NAV2: variants seen among roughly 807,000 people sequenced by gnomAD.
The protein encoded by NAV2 is helicase, APC down-regulated 1.
Under a neutral mutation model 223.2 loss-of-function variants are expected in NAV2, and 54 were observed. That is an observed-to-expected ratio of 0.24 (90% CI 0.19 to 0.30). NAV2 has a LOEUF of 0.30. NAV2 is among the 10% of genes least tolerant of loss of function. NAV2 has a pLI of 1.00. For synonymous variants in NAV2, 1,279 were observed against 1,239.3 expected (o/e 1.03, Z -0.67); for missense variants, 2,806 against 3,147.5 (o/e 0.89, Z 2.60).
At chr11:19,441,275 C>T (rs889017059) in intron 1 of NAV2, among the ~76,000 whole-genome samples, 1 of 152,114 alleles carries the variant, frequency 6.6e-6, no homozygotes, top group African/African-American at 2.4e-5. Flanking sequence ...AGGAGATTCC[C>T]CTACAAGGTC....
intron 1 of NAV2, among the ~76,000 whole-genome samples, chr11:19,501,357 G>A (rs1180268520): frequency 6.6e-6 from 1 of 151,992 alleles, no homozygotes; most frequent in Non-Finnish European, 1.5e-5. Context: ...CTATATACAT[G>A]GAGTCATCTA....
intron 1 of NAV2, among the ~76,000 whole-genome samples, chr11:19,533,588 T>C (rs927131363): frequency 1.3e-5 from 2 of 152,188 alleles, no homozygotes; most frequent in African/African-American, 4.8e-5. Context: ...GTCTTTTCAG[T>C]CATTGTCCTC....
intron 1 of NAV2, among the ~76,000 whole-genome samples, chr11:19,773,396 C>G (rs1217732884): frequency 6.6e-6 from 1 of 152,166 alleles, no homozygotes; most frequent in African/African-American, 2.4e-5. Flanking sequence ...TCGTGGCTAC[C>G]ATGAGAGTTC....
At chr11:19,381,099 C>G (rs1213767758) in intron 1 of NAV2, among the ~76,000 whole-genome samples, 1 of 152,184 alleles carries the variant, frequency 6.6e-6, no homozygotes, top group African/African-American at 2.4e-5. Context: ...CTATCCTTGC[C>G]TAACTGATTC....
chr11:19,725,331 C>T (rs1036992155), intron 1 of NAV2, among the ~76,000 whole-genome samples: 5 of 152,166 alleles, frequency 3.3e-5, no homozygotes, highest in African/African-American at 4.8e-5. Context: ...TCAGTGCTGC[C>T]GCCCACTAAA....
At chr11:19,860,224 A>C (rs1590929263) in intron 3 of NAV2, among the ~76,000 whole-genome samples, 1 of 144,676 alleles carries the variant, frequency 6.9e-6, no homozygotes, top group African/African-American at 2.6e-5. Flanking sequence ...GACGCTCCTC[A>C]CTTCCCAGAC....
chr11:19,810,249 T>C (rs2058775087), intron 1 of NAV2, among the ~76,000 whole-genome samples: 1 of 152,256 alleles, frequency 6.6e-6, no homozygotes, highest in Admixed American at 6.5e-5. Flanking sequence ...AGTTGGCTCC[T>C]GTGTCACTTT....
At chr11:19,772,207 C>G (rs2055772270) in intron 1 of NAV2, among the ~76,000 whole-genome samples, 1 of 152,176 alleles carries the variant, frequency 6.6e-6, no homozygotes, top group Non-Finnish European at 1.5e-5. Context: ...AGTCTTTAAG[C>G]TACTTGCAAA....
intron 1 of NAV2, among the ~76,000 whole-genome samples, chr11:19,621,670 C>A (rs529128333): frequency 5.3e-5 from 8 of 151,950 alleles, no homozygotes; most frequent in African/African-American, 1.9e-4. Context: ...GTCTTGCTAG[C>A]GGTCTATCAA....
At chr11:20,083,998 A>G (rs527918510) in intron 26 of NAV2, among the ~76,000 whole-genome samples, 2 of 152,346 alleles carry the variant, frequency 1.3e-5, no homozygotes, top group East Asian at 3.9e-4. Context: ...TACAGGCAAA[A>G]TCAGCCTGTC....
chr11:19,761,315 A>G (rs7119267), intron 1 of NAV2, among the ~76,000 whole-genome samples: 64,190 of 152,126 alleles, frequency 0.42, 15,126 homozygotes, highest in African/African-American at 0.64. Flanking sequence ...TTACATTCTT[A>G]TGGAGAGATG....
intron 1 of NAV2, among the ~76,000 whole-genome samples, chr11:19,443,780 A>C (rs1851486669): frequency 6.6e-6 from 1 of 152,204 alleles, no homozygotes; most frequent in South Asian, 2.1e-4. Flanking sequence ...CTAAAATGTC[A>C]GTTTTCTTCT....
intron 11 of NAV2, among the ~76,000 whole-genome samples, chr11:20,006,811 C>G (rs954932080): frequency 6.6e-6 from 1 of 152,044 alleles, no homozygotes; most frequent in South Asian, 2.1e-4. Context: ...GTAATCATAC[C>G]ACTGCATTCC....
rs548957501 is a variant in NAV2 at position 19,999,527 on chromosome 11, C to A, written c.2768+15280C>A. ...GGGATTACAGGCACCCGCCACCATG[C>A]CTGGCTAATGTTTTTGTATTTTTAG... is the stretch of plus-strand genomic sequence containing the variant. On this transcript the variant is annotated intron_variant, in intron 11 of 37. Transcript: ENST00000349880. Among the ~76,000 whole-genome samples, 17 of 152,304 alleles carry A rather than the reference C, an allele frequency of 1.1e-4. No homozygotes were observed. In the South Asian group the frequency reaches 3.1e-3, roughly 28 times the overall value.
At position 19,485,390 on chromosome 11, in the gene NAV2, G is replaced by A. The variant is rs118006601; in HGVS notation, c.75+134363G>A. 3.2e-4 allele frequency among the ~76,000 whole-genome samples: 49 copies of A among 152,260 alleles called. No homozygotes were observed. The East Asian group carries it at 9.1e-3, about 28-fold the overall frequency. On this transcript the variant is annotated intron_variant, in intron 1 of 37. Coordinates refer to the NAV2 transcript ENST00000360655. ...AGGTGAGAGAATAGAGAATCAGAAA[G>A]AGCAAGTTGCTTCATCTCTACCCTC...
intron 10 of NAV2, among the ~76,000 whole-genome samples, chr11:19,978,279 G>A (rs1407562494): frequency 6.6e-6 from 1 of 152,098 alleles, no homozygotes; most frequent in Non-Finnish European, 1.5e-5. Context: ...AACTCGATTT[G>A]CATCCTAATA....
chr11:19,454,803 A>T (rs937055987), intron 1 of NAV2, among the ~76,000 whole-genome samples: 3 of 152,168 alleles, frequency 2.0e-5, no homozygotes, highest in Non-Finnish European at 4.4e-5. Context: ...TAGCAAGGGG[A>T]GTGTTGGGAG....
At chr11:20,095,873 T>C (rs1156249371) in intron 30 of NAV2, 106 bp downstream of exon 30, 1 of 788,310 alleles carries the variant, frequency 1.3e-6, no homozygotes, top group East Asian at 2.4e-5. Flanking sequence ...TTCTCAGACC[T>C]GTCCCCTTCC....
At chr11:19,745,829 C>T (rs1229471833) in intron 1 of NAV2, among the ~76,000 whole-genome samples, 7 of 152,120 alleles carry the variant, frequency 4.6e-5, no homozygotes, top group East Asian at 1.9e-4. Context: ...AATGCTCACT[C>T]GCCCACCACT....
Sources: gnomAD v4.1 joint callset for allele counts (sites outside exome capture counted in the v4.1 genomes callset) on GRCh38, gnomAD v4.1.1 for gene constraint, MANE v1.5 for transcripts, NCBI Gene and HGNC (gene_info 2026-07-23, HGNC 2026-07-21) for gene names.